Variants in PCCB observed in about 807,000 individuals in gnomAD.
PCCB encodes the protein propionyl-CoA carboxylase subunit beta.
Under a neutral mutation model 60.7 loss-of-function variants are expected in PCCB, and 43 were observed. The observed-to-expected ratio is 0.71, with a 90% CI of 0.55 to 0.91. PCCB has a LOEUF of 0.91. PCCB is among the 40% of genes least tolerant of loss of function. The pLI, the probability that PCCB is intolerant of heterozygous loss-of-function variation, is 0.00. For missense variants in PCCB, 766 were observed against 702.8 expected (o/e 1.09, Z -1.02); for synonymous variants, 276 against 255.9 (o/e 1.08, Z -0.75).
intron 9 of PCCB, among the ~76,000 whole-genome samples, chr3:136,309,446 C>T (rs899141822): frequency 1.3e-5 from 2 of 151,930 alleles, no homozygotes; most frequent in Admixed American, 6.6e-5. Context: ...AAAAAAGAGA[C>T]AGTAAAAGCA....
chr3:136,306,242 A>G lies in PCCB; in HGVS notation c.966+5131A>G, dbSNP rs771762670. Among the ~76,000 whole-genome samples the G allele has an allele frequency of 1.8e-3, 217 of 123,144 alleles. 63 individuals carry two copies. Among genetic ancestry groups the G allele is most frequent in the Non-Finnish European group, 2.8e-3 (156 of 55,144 alleles). The allele number at this position is 123,144 out of a possible 152,430, so 80.8% of individuals were successfully genotyped here. On this transcript the variant is annotated intron_variant, in intron 9 of 14. Coordinates refer to ENST00000251654, the MANE Select transcript of PCCB (RefSeq NM_000532.5). ...AAAGTCAATCATGAAGCAGCTGACT[A>G]TGCTTCAATCTGAGTGCAGTAGCCC...
Position 136,288,081 on chromosome 3 carries a change from T to C in PCCB, c.654+4134T>C, listed in dbSNP as rs1933503614. On this transcript the variant is annotated intron_variant, in intron 6 of 14. Transcript: ENST00000251654. ...GCTTGTGGTATAGTCTCTTATTGTG[T>C]TGTCAATTTGCATTGACTCAATTTG... is the stretch of plus-strand genomic sequence containing the variant. 1.3e-5 allele frequency among the ~76,000 whole-genome samples: 2 copies of C among 152,262 alleles called. 1 individual carries two copies. Among genetic ancestry groups the C allele is most frequent in the South Asian group, 4.1e-4 (2 of 4,834 alleles).
At chr3:136,299,893 T>A (rs1271307722) in intron 8 of PCCB, among the ~76,000 whole-genome samples, 1 of 151,986 alleles carries the variant, frequency 6.6e-6, no homozygotes, top group African/African-American at 2.4e-5. Context: ...TGTACGTATA[T>A]GCGTACATAT....
At chr3:136,262,087 AAT>A (rs1559998839) in intron 5 of PCCB, 22 bp downstream of exon 5, 1 of 1,429,734 alleles carries the variant, frequency 7.0e-7, no homozygotes, top group Non-Finnish European at 9.7e-7. Context: ...GTTAATAGAG[AAT>A]AAAAAAATAC....
chr3:136,299,553 T>C, intron 8 of PCCB, among the ~76,000 whole-genome samples: 1 of 119,974 alleles, frequency 8.3e-6, no homozygotes. Context: ...TAGGTATGCA[T>C]GTGTATGTAT....
intron 5 of PCCB, among the ~76,000 whole-genome samples, chr3:136,278,182 A>C (rs1285949496): frequency 6.6e-6 from 1 of 151,982 alleles, no homozygotes; most frequent in African/African-American, 2.4e-5. Context: ...CTGCTCCCTA[A>C]ATCAGTCCCA....
intron 7 of PCCB, among the ~76,000 whole-genome samples, chr3:136,294,870 G>A (rs995681329): frequency 2.6e-5 from 4 of 151,894 alleles, no homozygotes; most frequent in African/African-American, 9.7e-5. Flanking sequence ...CTCCCACTTC[G>A]ACCTCCCAAA....
At chr3:136,290,671 G>GTTTTTTTGTTTTTTTTTT (rs1553778408) in intron 6 of PCCB, among the ~76,000 whole-genome samples, 1 of 60,050 alleles carries the variant, frequency 1.7e-5, no homozygotes, top group Non-Finnish European at 2.7e-5. Context: ...TCTCTGTGTA[G>GTTTTTTTGTTTTTTTTTT]TTTTTTTTTT....
chr3:136,295,690 A>T (rs1016234801), intron 7 of PCCB, among the ~76,000 whole-genome samples: 5 of 152,408 alleles, frequency 3.3e-5, no homozygotes, highest in African/African-American at 1.2e-4. Context: ...CATACAAAGC[A>T]TAAAAACTGC....
At chr3:136,285,088 CAAAAAAA>C (rs61543332) in intron 6 of PCCB, among the ~76,000 whole-genome samples, 4 of 107,132 alleles carry the variant, frequency 3.7e-5, no homozygotes, top group South Asian at 3.2e-4. Context: ...GACCCTGCCT[CAAAAAAA>C]AAAAAAAAAA....
intron 3 of PCCB, among the ~76,000 whole-genome samples, chr3:136,259,501 A>T (rs1559997173): frequency 6.6e-6 from 1 of 152,176 alleles, no homozygotes; most frequent in Non-Finnish European, 1.5e-5. Flanking sequence ...AATATTTCTT[A>T]AAAACAGAAG....
chr3:136,277,138 T>C (rs1942348395), intron 5 of PCCB, among the ~76,000 whole-genome samples: 1 of 152,174 alleles, frequency 6.6e-6, no homozygotes. Flanking sequence ...GTAGACTCTT[T>C]GAGGTTCCTT....
At chr3:136,306,414 G>A (rs2108213887) in intron 9 of PCCB, among the ~76,000 whole-genome samples, 1 of 122,196 alleles carries the variant, frequency 8.2e-6, no homozygotes, top group African/African-American at 2.5e-5. Context: ...AAATTGCAAG[G>A]TGCTCAAAGG....
At chr3:136,263,254 G>GTTTTTTTTTTTTTTTTTT (rs137942280) in intron 5 of PCCB, among the ~76,000 whole-genome samples, 1 of 125,940 alleles carries the variant, frequency 7.9e-6, no homozygotes, top group Non-Finnish European at 1.6e-5. Flanking sequence ...CGCCCAGCTG[G>GTTTTTTTTTTTTTTTTTT]TTTTTTTTTT....
chr3:136,264,440 G>GTGTATATATA lies in PCCB; in HGVS notation c.543+2376_543+2377insGTATATATAT. 1.2e-3 allele frequency among the ~76,000 whole-genome samples: 152 copies of GTGTATATATA among 123,590 alleles called. 5 individuals carry two copies. Among genetic ancestry groups the GTGTATATATA allele is most frequent in the South Asian group, 1.8e-3 (7 of 3,794 alleles). 81.1% of individuals were successfully genotyped at this position (123,590 alleles called of 152,430 possible). A position where few individuals can be genotyped will look rare whatever the true frequency, so the allele number is the denominator to read the frequency against. On this transcript the variant is annotated intron_variant, in intron 5 of 14. Transcript: ENST00000251654. ...CTGTCTCTCATATATATGTGTGTGT[G>GTGTATATATA]TATATATGTATATATATATATGTTC...
chr3:136,270,946 T>A (rs1278780457), intron 5 of PCCB, among the ~76,000 whole-genome samples: 1 of 152,208 alleles, frequency 6.6e-6, no homozygotes, highest in Non-Finnish European at 1.5e-5. Flanking sequence ...TTTTGAGAAA[T>A]GTCTATTCAT....
chr3:136,267,450 C>T lies in PCCB; in HGVS notation c.543+5385C>T, dbSNP rs942213697. On this transcript the variant is annotated intron_variant, in intron 5 of 14. Transcript: ENST00000251654. Reference sequence around the variant, plus strand: ...TCTCAAGCGATCTGCCTCGGCATCCCGAAGTGCAGGGATTACAAGCCACTG... The same window carrying T: ...TCTCAAGCGATCTGCCTCGGCATCCTGAAGTGCAGGGATTACAAGCCACTG... Among the ~76,000 whole-genome samples, 48 of 152,086 alleles carry T rather than the reference C, an allele frequency of 3.2e-4. 1 individual carries two copies. Among genetic ancestry groups the T allele is most frequent in the Admixed American group, 1.3e-4 (2 of 15,276 alleles).
At chr3:136,318,501 T>G (rs993396094) in intron 10 of PCCB, among the ~76,000 whole-genome samples, 2 of 152,222 alleles carry the variant, frequency 1.3e-5, no homozygotes, top group Non-Finnish European at 2.9e-5. Flanking sequence ...CACCACTGTT[T>G]CCAAACATTT....
intron 8 of PCCB, among the ~76,000 whole-genome samples, chr3:136,300,055 C>T (rs867735012): frequency 6.6e-6 from 1 of 151,730 alleles, no homozygotes; most frequent in African/African-American, 2.4e-5. Context: ...TGCCCACACA[C>T]ATGCATATCA....
Sources: gnomAD v4.1 joint callset for allele counts (sites outside exome capture counted in the v4.1 genomes callset) on GRCh38, gnomAD v4.1.1 for gene constraint, MANE v1.5 for transcripts, NCBI Gene and HGNC (gene_info 2026-07-23, HGNC 2026-07-21) for gene names.